Variants in CRB1 observed in about 807,000 individuals in gnomAD.
The protein encoded by CRB1 is crumbs cell polarity complex component 1.
In CRB1, 83 loss-of-function variants were observed where a neutral mutation model predicts 120.0. The observed-to-expected ratio is 0.69, with a 90% CI of 0.58 to 0.83. The LOEUF (loss-of-function observed/expected upper bound fraction) is 0.83, where lower values mean the gene tolerates loss of function less well. Among genes scored for constraint, CRB1 ranks in the 40% least tolerant of loss-of-function variants. CRB1 has a pLI of 0.00. For synonymous variants in CRB1, 625 were observed against 612.5 expected, an observed-to-expected ratio of 1.02 and a Z score of -0.30; for missense variants, 1,699 against 1,687.6, an observed-to-expected ratio of 1.01 and a Z score of -0.12.
At chr1:197,377,154 C>T (rs529579760) in intron 5 of CRB1, among the ~76,000 whole-genome samples, 30 of 152,216 alleles carry the variant, frequency 2.0e-4, no homozygotes, top group Admixed American at 7.2e-4. Context: ...TTTCCTTACC[C>T]TTATTAATTT....
chr1:197,430,260 CT>C (rs1558134309), intron 8 of CRB1, among the ~76,000 whole-genome samples: 1 of 152,148 alleles, frequency 6.6e-6, no homozygotes, highest in South Asian at 2.1e-4. Context: ...TATTTATATT[CT>C]GTCTTCTCAC....
At chr1:197,210,950 A>G in the CRB1 span, among the ~76,000 whole-genome samples, 1 of 152,294 alleles carries the variant, frequency 6.6e-6, no homozygotes, top group African/African-American at 2.4e-5. Flanking sequence ...GTTTTTCTTC[A>G]TTTATTCAAT....
chr1:197,469,465 G>T (rs187587413), intron 11 of CRB1, among the ~76,000 whole-genome samples: 148 of 152,242 alleles, frequency 9.7e-4, no homozygotes, highest in African/African-American at 3.5e-3. Flanking sequence ...GAACAGAATT[G>T]TAGGGGAATT....
At chr1:197,330,687 CCA>C (rs1390967744) in intron 2 of CRB1, among the ~76,000 whole-genome samples, 4 of 152,180 alleles carry the variant, frequency 2.6e-5, no homozygotes. Context: ...AATAATAATT[CCA>C]CACTGCTGCA....
intron 1 of CRB1, among the ~76,000 whole-genome samples, chr1:197,276,814 A>G (rs7542309): frequency 6.6e-6 from 1 of 151,922 alleles, no homozygotes; most frequent in African/African-American, 2.4e-5. Context: ...CATTCTTGCA[A>G]TCATACTACA....
At chr1:197,214,100 GT>G in the CRB1 span, among the ~76,000 whole-genome samples, 2 of 151,864 alleles carry the variant, frequency 1.3e-5, no homozygotes, top group African/African-American at 4.8e-5. Flanking sequence ...AAGTTGCGTG[GT>G]TTTTTTGTTT....
upstream of CRB1, among the ~76,000 whole-genome samples, chr1:197,266,351 G>A (rs1261558841): frequency 3.3e-5 from 5 of 151,946 alleles, no homozygotes; most frequent in African/African-American, 1.2e-4. Flanking sequence ...GTGGTGCAAG[G>A]GGCAAATAAA....
the CRB1 span, among the ~76,000 whole-genome samples, chr1:197,214,752 A>G: frequency 1.3e-5 from 2 of 152,184 alleles, no homozygotes; most frequent in African/African-American, 4.8e-5. Context: ...CCAATATTTA[A>G]AGAACAATTA....
At chr1:197,339,261 C>T (rs1162301698) in intron 2 of CRB1, among the ~76,000 whole-genome samples, 3 of 152,112 alleles carry the variant, frequency 2.0e-5, no homozygotes, top group African/African-American at 7.2e-5. Flanking sequence ...CTCCTTATTG[C>T]TTTAGGATGT....
At chr1:197,438,263 A>G (rs946233694) in intron 9 of CRB1, 6 of 366,436 alleles carry the variant, frequency 1.6e-5, no homozygotes, top group Admixed American at 7.6e-5. Context: ...TTCTTTTCCA[A>G]CCCAAAATTT....
the CRB1 span, among the ~76,000 whole-genome samples, chr1:197,208,945 AGTTAC>A: frequency 6.6e-6 from 1 of 151,924 alleles, no homozygotes; most frequent in East Asian, 1.9e-4. Flanking sequence ...AGGCCAATGG[AGTTAC>A]GTTCCCAGGG....
rs111300834 is a variant in CRB1, at chr1:197,380,997, C to T, written c.1171+23984C>T. ...GGAAAAGGGAAGAGATTCCTCAGCTCTTCATATGTTTTCTTTCATGACCCC... is the reference window on the plus strand; with the variant it reads ...GGAAAAGGGAAGAGATTCCTCAGCTTTTCATATGTTTTCTTTCATGACCCC... On this transcript the variant is annotated intron_variant, in intron 5 of 11. Coordinates refer to ENST00000367400, the MANE Select transcript of CRB1 (RefSeq NM_201253.3). Among the ~76,000 whole-genome samples the T allele has an allele frequency of 1.9e-3, 289 of 152,276 alleles. 1 individual carries two copies. Among genetic ancestry groups the T allele is most frequent in the African/African-American group, 6.6e-3 (275 of 41,554 alleles).
Position 197,421,839 on chromosome 1 carries a change from G to C in CRB1, c.2011G>C (p.Val671Leu), listed in dbSNP as rs1394602022. Residue 671 changes from valine to leucine, a missense_variant, in exon 6 of 12, where the codon GTG becomes CTG. Transcript: ENST00000367400. The part of the protein sequence containing the change: ...GSSLNVKAGC[V>L]RKDWCESQPC... ...ATCATTAAATGTCAAGGCAGGCTGTGTGAGAAAGGATTGGTGTGAAAGCCA... is the reference window on the plus strand; with the variant it reads ...ATCATTAAATGTCAAGGCAGGCTGTCTGAGAAAGGATTGGTGTGAAAGCCA... 1 of 1,614,204 alleles carries C rather than the reference G, an allele frequency of 6.2e-7. No individual in the cohort carries two copies. The highest frequency in any genetic ancestry group is 8.5e-7 in the Non-Finnish European group (1 of 1,180,050).
chr1:197,444,972 CT>C (rs1665633009), intron 11 of CRB1, among the ~76,000 whole-genome samples: 1 of 151,888 alleles, frequency 6.6e-6, no homozygotes, highest in Non-Finnish European at 1.5e-5. Context: ...GAATCGTGAT[CT>C]CTTTCTGTGA....
chr1:197,374,000 G>A (rs1661510916), intron 5 of CRB1, among the ~76,000 whole-genome samples: 1 of 152,208 alleles, frequency 6.6e-6, no homozygotes, highest in Non-Finnish European at 1.5e-5. Flanking sequence ...TTTTCTAGAA[G>A]TGAGCAGGGA....
chr1:197,344,156 G>A (rs1426014838), intron 2 of CRB1, 125 bp from the exon 3 acceptor site: 10 of 969,518 alleles, frequency 1.0e-5, no homozygotes, highest in Admixed American at 3.5e-5. Flanking sequence ...AATTAAGGGG[G>A]AAAGTTATTT....
chr1:197,279,903 T>C lies in CRB1; in HGVS notation c.70+11421T>C, dbSNP rs369609826. Reference sequence around the variant, plus strand: ...CCTTGCCTACCAGATACAACCAACCTCTGTTACCCAATTTCTCTATGTCAG... The same window carrying C: ...CCTTGCCTACCAGATACAACCAACCCCTGTTACCCAATTTCTCTATGTCAG... On this transcript the variant is annotated intron_variant, in intron 1 of 11. Coordinates refer to ENST00000367400, the MANE Select transcript of CRB1 (RefSeq NM_201253.3). Among the ~76,000 whole-genome samples, 29 of 151,450 alleles carry C rather than the reference T, an allele frequency of 1.9e-4. No individual in the cohort carries two copies. In the East Asian group the frequency reaches 2.0e-3, roughly 10 times the overall value.
intron 1 of CRB1, among the ~76,000 whole-genome samples, chr1:197,305,740 A>G (rs1657130261): frequency 6.6e-6 from 1 of 151,970 alleles, no homozygotes; most frequent in South Asian, 2.1e-4. Context: ...TTCTTGAGCT[A>G]AAACTATTCA....
chr1:197,411,176 C>T (rs1297648974), intron 5 of CRB1, among the ~76,000 whole-genome samples: 1 of 152,060 alleles, frequency 6.6e-6, no homozygotes, highest in East Asian at 1.9e-4. Flanking sequence ...TTGGAGTGTC[C>T]ATATCTTATC....
Sources: allele counts gnomAD v4.1 joint callset (sites outside exome capture counted in the v4.1 genomes callset), GRCh38; gene constraint gnomAD v4.1.1; transcripts MANE v1.5; gene names NCBI Gene and HGNC (gene_info 2026-07-23, HGNC 2026-07-21).